EGFR: variants seen among roughly 807,000 people sequenced by gnomAD.
EGFR encodes avian erythroblastic leukemia viral (v-erb-b) oncogene homolog.
EGFR carries 58 observed loss-of-function variants against 143.0 expected under a neutral mutation model. The observed-to-expected ratio is 0.41, with a 90% CI of 0.33 to 0.50. The LOEUF (loss-of-function observed/expected upper bound fraction) is 0.50, where lower values mean the gene tolerates loss of function less well. Ranked by LOEUF, EGFR falls within the 20% of genes least tolerant of loss-of-function variation. The probability of loss-of-function intolerance (pLI) is 0.39; values close to 1 mark genes in which losing one functional copy is unlikely to be tolerated. For synonymous variants in EGFR, 613 were observed against 594.4 expected (o/e 1.03, Z -0.45); for missense variants, 1,307 against 1,579.0 (o/e 0.83, Z 2.92).
At chr7:55,103,796 A>T (rs1375631088) in intron 1 of EGFR, among the ~76,000 whole-genome samples, 4 of 152,180 alleles carry the variant, frequency 2.6e-5, no homozygotes, top group Non-Finnish European at 5.9e-5. Flanking sequence ...ATATACTTGA[A>T]CCTATGCCTA....
intron 1 of EGFR, among the ~76,000 whole-genome samples, chr7:55,135,411 CAT>C (rs1794081534): frequency 6.6e-6 from 1 of 151,912 alleles, no homozygotes; most frequent in Non-Finnish European, 1.5e-5. Flanking sequence ...TTGAGTATCA[CAT>C]GTGTATTTTC....
chr7:55,075,902 G>A (rs1402773042), intron 1 of EGFR, among the ~76,000 whole-genome samples: 1 of 152,168 alleles, frequency 6.6e-6, no homozygotes, highest in Non-Finnish European at 1.5e-5. Flanking sequence ...GGGTGGGGGT[G>A]CAATAGTGGA....
intron 1 of EGFR, among the ~76,000 whole-genome samples, chr7:55,101,325 G>T (rs1339426151): frequency 2.6e-5 from 4 of 152,212 alleles, no homozygotes; most frequent in African/African-American, 9.7e-5. Context: ...GATGTGATAT[G>T]CCATCGGTAC....
chr7:55,064,845 C>G (rs1383711058), intron 1 of EGFR, among the ~76,000 whole-genome samples: 1 of 152,106 alleles, frequency 6.6e-6, no homozygotes, highest in Non-Finnish European at 1.5e-5. Context: ...AGACACAAAC[C>G]TACTGGCTCC....
At position 55,202,918 on chromosome 7, in the gene EGFR, T is replaced by G. The variant is rs17337521; in HGVS notation, c.3271+293T>G. The G allele has an allele frequency of 0.014, 9,163 of 636,448 alleles. 632 individuals carry two copies. In the African/African-American group the frequency reaches 0.14, roughly 10 times the overall value. 39.4% of individuals were successfully genotyped at this position (636,448 alleles called of 1,614,324 possible). On this transcript the variant is annotated intron_variant, in intron 27 of 27. Coordinates refer to ENST00000275493, the MANE Select transcript of EGFR (RefSeq NM_005228.5). ...CATACACATCTGTGTGTGTGAGTGT[T>G]CATGATGTGTGTACATCTGTGTATG... is the stretch of plus-strand genomic sequence containing the variant.
intron 1 of EGFR, among the ~76,000 whole-genome samples, chr7:55,098,736 A>T (rs1271895587): frequency 6.6e-6 from 1 of 152,252 alleles, no homozygotes; most frequent in Non-Finnish European, 1.5e-5. Context: ...AACAGATAGT[A>T]AGAACAGGCA....
chr7:55,118,815 G>T (rs958430860), intron 1 of EGFR, among the ~76,000 whole-genome samples: 9 of 152,128 alleles, frequency 5.9e-5, no homozygotes, highest in African/African-American at 2.2e-4. Context: ...CAGCCCATCA[G>T]CCTGAAATGC....
chr7:55,195,981 T>C (rs1288555461), intron 22 of EGFR, among the ~76,000 whole-genome samples: 1 of 152,164 alleles, frequency 6.6e-6, no homozygotes, highest in Non-Finnish European at 1.5e-5. Flanking sequence ...GCAGTGAAAA[T>C]ACGCATGCAT....
chr7:55,159,384 C>A (rs1045754083), intron 11 of EGFR, among the ~76,000 whole-genome samples: 2 of 152,136 alleles, frequency 1.3e-5, no homozygotes, highest in African/African-American at 4.8e-5. Context: ...GGACATCCCC[C>A]CTTCGGTCTG....
chr7:55,025,976 G>A (rs1457583195), intron 1 of EGFR, among the ~76,000 whole-genome samples: 1 of 152,186 alleles, frequency 6.6e-6, no homozygotes, highest in Non-Finnish European at 1.5e-5. Flanking sequence ...ACCAAAAAAA[G>A]TAGGAGATGA....
intron 20 of EGFR, 93 bp downstream of exon 20, chr7:55,181,571 G>GT: frequency 6.7e-7 from 1 of 1,490,436 alleles, no homozygotes; most frequent in Admixed American, 1.7e-5. Context: ...GTTTGCCATG[G>GT]GGATATGTGT....
rs754646330 is a variant in EGFR at position 55,161,537 on chromosome 7, G to A, written c.1537G>A (p.Glu513Lys). The change falls in exon 13 of 28, where the codon GAG becomes AAG. Residue 513 changes from glutamate (E) to lysine (K), a missense_variant. Coordinates refer to ENST00000275493, the MANE Select transcript of EGFR (RefSeq NM_005228.5). ...GGTCTGCCATGCCTTGTGCTCCCCC[G>A]AGGGCTGCTGGGGCCCGGAGCCCAG... ...GQVCHALCSP[E>K]GCWGPEPRDC... is the part of the protein sequence containing the mutation. 9 of 1,614,130 alleles carry A rather than the reference G, an allele frequency of 5.6e-6. No homozygotes were observed. Among genetic ancestry groups the A allele is most frequent in the East Asian group, 4.5e-5 (2 of 44,896 alleles).
At chr7:55,172,017 G>C (rs1321268394) in intron 16 of EGFR, among the ~76,000 whole-genome samples, 2 of 152,116 alleles carry the variant, frequency 1.3e-5, no homozygotes. Context: ...GAGGAAGAAG[G>C]CAACTTCAAA....
chr7:55,020,649 T>C (rs1786507188), intron 1 of EGFR, among the ~76,000 whole-genome samples: 1 of 151,280 alleles, frequency 6.6e-6, no homozygotes, highest in Non-Finnish European at 1.5e-5. Context: ...CATGAGCGAG[T>C]CTGGCTTCGT....
At chr7:55,121,981 C>A (rs1463669389) in intron 1 of EGFR, among the ~76,000 whole-genome samples, 1 of 152,210 alleles carries the variant, frequency 6.6e-6, no homozygotes, top group Non-Finnish European at 1.5e-5. Context: ...GGGCTCTTTA[C>A]TGATTCTTCA....
At chr7:55,089,936 CTACTTATT>C (rs1381935823) in intron 1 of EGFR, among the ~76,000 whole-genome samples, 11 of 142,604 alleles carry the variant, frequency 7.7e-5, no homozygotes, top group African/African-American at 3.0e-4. Context: ...CTAGGTGATG[CTACTTATT>C]TATTTATTTA....
intron 19 of EGFR, among the ~76,000 whole-genome samples, chr7:55,178,900 T>G (rs929859089): frequency 6.6e-6 from 1 of 152,246 alleles, no homozygotes; most frequent in African/African-American, 2.4e-5. Context: ...CTTTGAGTCT[T>G]TGACCTTCAT....
chr7:55,092,729 C>A (rs1461540395), intron 1 of EGFR, among the ~76,000 whole-genome samples: 1 of 152,252 alleles, frequency 6.6e-6, no homozygotes, highest in Non-Finnish European at 1.5e-5. Context: ...AGATGAACAT[C>A]ATCCCTGTGC....
At chr7:55,049,687 C>T (rs1194637877) in intron 1 of EGFR, among the ~76,000 whole-genome samples, 1 of 152,106 alleles carries the variant, frequency 6.6e-6, no homozygotes, top group Non-Finnish European at 1.5e-5. Flanking sequence ...CAGCCTATTG[C>T]AGGAACAGCC....
Sources: allele counts gnomAD v4.1 joint callset (sites outside exome capture counted in the v4.1 genomes callset), GRCh38; gene constraint gnomAD v4.1.1; transcripts MANE v1.5; gene names NCBI Gene and HGNC (gene_info 2026-07-23, HGNC 2026-07-21).